The following ARHGAP19 variants were observed in gnomAD, a reference collection of about 807,000 sequenced individuals.
The protein encoded by ARHGAP19 is Rho GTPase activating protein 19.
In ARHGAP19, 48 loss-of-function variants were observed where a neutral mutation model predicts 60.9. The ratio of observed to expected loss-of-function variants is 0.79; its 90% CI spans 0.62 to 1.00. The LOEUF (loss-of-function observed/expected upper bound fraction) is 1.00. Ranked by LOEUF, ARHGAP19 falls within the 50% of genes least tolerant of loss-of-function variation. ARHGAP19 has a pLI of 0.00. For synonymous variants in ARHGAP19, 209 were observed against 215.5 expected, an observed-to-expected ratio of 0.97 and a Z score of 0.27; for missense variants, 562 against 597.2, an observed-to-expected ratio of 0.94 and a Z score of 0.61.
At chr10:97,272,674 T>A (rs1842974856) in intron 1 of ARHGAP19, among the ~76,000 whole-genome samples, 1 of 152,178 alleles carries the variant, frequency 6.6e-6, no homozygotes, top group Admixed American at 6.5e-5. Context: ...CAAACTTTAT[T>A]GGTATAAATT....
At chr10:97,234,935 C>G (rs1466915516) in intron 9 of ARHGAP19, among the ~76,000 whole-genome samples, 2 of 152,192 alleles carry the variant, frequency 1.3e-5, no homozygotes, top group African/African-American at 2.4e-5. Context: ...GGGCCTCTTA[C>G]ACTGCTCAGG....
intron 1 of ARHGAP19, chr10:97,270,502 T>C: frequency 1.2e-6 from 1 of 836,526 alleles, no homozygotes; most frequent in Non-Finnish European, 1.8e-6. Context: ...TGTATAGGAC[T>C]AAAGAAAAAA....
At chr10:97,245,202 T>C (rs1842545854) in intron 7 of ARHGAP19, among the ~76,000 whole-genome samples, 1 of 152,002 alleles carries the variant, frequency 6.6e-6, no homozygotes, top group Non-Finnish European at 1.5e-5. Context: ...AGACTGGGTT[T>C]GGCCATGTTG....
chr10:97,268,951 T>C (rs1842931281), intron 1 of ARHGAP19, among the ~76,000 whole-genome samples: 2 of 152,344 alleles, frequency 1.3e-5, no homozygotes, highest in South Asian at 2.1e-4. Context: ...CTTTATTACA[T>C]AAGCAGTCAT....
In ARHGAP19 at chr10:97,248,580, A is replaced by G. The variant is rs748372081; in HGVS notation, c.928-2243T>C. On this transcript the variant is annotated intron_variant, in intron 6 of 11. Transcript: ENST00000358531. ...GTTTTAATCTATTTCTTTGCCCTCA[A>G]GCAGCCTAGAAGCAATGACACACCA... 2.2e-4 allele frequency among the ~76,000 whole-genome samples: 34 copies of G among 152,320 alleles called. 1 individual carries two copies. Among genetic ancestry groups the G allele is most frequent in the Non-Finnish European group, 4.3e-4 (29 of 68,040 alleles).
intron 2 of ARHGAP19, 115 bp downstream of exon 2, chr10:97,265,745 A>C (rs1165910595): frequency 7.2e-7 from 1 of 1,396,528 alleles, no homozygotes; most frequent in African/African-American, 1.4e-5. Flanking sequence ...AAACTGAAAA[A>C]ATGGCCAAAA....
chr10:97,292,428 A>C (rs1263393141), intron 1 of ARHGAP19, 144 bp downstream of exon 1: 1 of 1,098,188 alleles, frequency 9.1e-7, no homozygotes, highest in African/African-American at 1.6e-5. Context: ...CCCGCGCCTC[A>C]GCCCCCGCAG....
intron 8 of ARHGAP19, 98 bp from the exon 9 acceptor site, chr10:97,235,413 A>C (rs1589446119): frequency 9.2e-7 from 1 of 1,084,698 alleles, no homozygotes; most frequent in East Asian, 2.5e-5. Flanking sequence ...AGTCCAGGAA[A>C]AACTGAGTCT....
At chr10:97,271,485 A>G (rs1589376339) in intron 1 of ARHGAP19, among the ~76,000 whole-genome samples, 2 of 152,198 alleles carry the variant, frequency 1.3e-5, no homozygotes, top group East Asian at 3.8e-4. Context: ...AGGAAAAGAC[A>G]CTTGACTCAA....
chr10:97,288,578 TA>T (rs923536030), intron 1 of ARHGAP19, among the ~76,000 whole-genome samples: 225 of 114,064 alleles, frequency 2.0e-3, no homozygotes, highest in Middle Eastern at 0.011. Flanking sequence ...AGACTCCATC[TA>T]AAAAAAAAAA....
chr10:97,252,030 T>C (rs1842690377), intron 6 of ARHGAP19, among the ~76,000 whole-genome samples: 1 of 151,830 alleles, frequency 6.6e-6, no homozygotes, highest in Non-Finnish European at 1.5e-5. Flanking sequence ...GTATATACAT[T>C]GTAAATCTCT....
At chr10:97,228,930 C>T in intron 11 of ARHGAP19, 1 of 658,158 alleles carries the variant, frequency 1.5e-6, no homozygotes, top group East Asian at 2.8e-5. Flanking sequence ...CCATGTGGGT[C>T]TGTGTTCACA....
chr10:97,229,255 A>C, intron 10 of ARHGAP19, 30 bp from the exon 11 acceptor site: 2 of 1,514,856 alleles, frequency 1.3e-6, no homozygotes, highest in Non-Finnish European at 1.8e-6. Flanking sequence ...CAGTGGTTTC[A>C]ATGTTCTAAT....
At chr10:97,283,442 T>C (rs1178642892) in intron 1 of ARHGAP19, among the ~76,000 whole-genome samples, 1 of 151,710 alleles carries the variant, frequency 6.6e-6, no homozygotes, top group Non-Finnish European at 1.5e-5. Context: ...TAGTCCCAGC[T>C]ACTCGGGAGG....
chr10:97,268,815 C>T (rs1842929496), intron 1 of ARHGAP19, among the ~76,000 whole-genome samples: 1 of 152,120 alleles, frequency 6.6e-6, no homozygotes, highest in Non-Finnish European at 1.5e-5. Context: ...GGGGACATAG[C>T]CAAACCATAT....
intron 1 of ARHGAP19, among the ~76,000 whole-genome samples, chr10:97,279,734 C>T (rs991096281): frequency 2.0e-5 from 3 of 152,114 alleles, no homozygotes; most frequent in Admixed American, 6.6e-5. Flanking sequence ...AAGTGATCCT[C>T]GCACCTCGGC....
At chr10:97,228,968 C>T in intron 11 of ARHGAP19, 179 bp downstream of exon 11, 2 of 706,484 alleles carry the variant, frequency 2.8e-6, no homozygotes, top group South Asian at 1.5e-5. Flanking sequence ...CAAGACAATG[C>T]TGAGTAAATG....
intron 5 of ARHGAP19, among the ~76,000 whole-genome samples, chr10:97,257,206 A>G (rs1842766787): frequency 6.6e-6 from 1 of 151,752 alleles, no homozygotes; most frequent in South Asian, 2.1e-4. Flanking sequence ...TTTTTAAGTA[A>G]TTCAGTAACT....
At chr10:97,258,351 C>A (rs1842783662) in intron 5 of ARHGAP19, among the ~76,000 whole-genome samples, 1 of 152,098 alleles carries the variant, frequency 6.6e-6, no homozygotes, top group African/African-American at 2.4e-5. Context: ...CATGGCAAAA[C>A]CCCATCTCTA....
Sources: allele counts gnomAD v4.1 joint callset (sites outside exome capture counted in the v4.1 genomes callset), GRCh38; gene constraint gnomAD v4.1.1; transcripts MANE v1.5; gene names NCBI Gene and HGNC (gene_info 2026-07-23, HGNC 2026-07-21).